DPP6: variants seen among roughly 807,000 people sequenced by gnomAD.
DPP6 encodes the protein dipeptidyl peptidase like 6.
A neutral mutation model predicts 122.6 loss-of-function variants in DPP6; 69 were observed. The ratio of observed to expected loss-of-function variants is 0.56; its 90% CI spans 0.46 to 0.69. The LOEUF (loss-of-function observed/expected upper bound fraction) is 0.69. DPP6 is among the 30% of genes least tolerant of loss of function. The pLI is 0.00. For synonymous variants in DPP6, 418 were observed against 433.1 expected (o/e 0.97, Z 0.43); for missense variants, 928 against 1,116.9 (o/e 0.83, Z 2.41).
At chr7:154,347,056 A>G (rs919292979) in intron 1 of DPP6, among the ~76,000 whole-genome samples, 1 of 152,170 alleles carries the variant, frequency 6.6e-6, no homozygotes, top group African/African-American at 2.4e-5. Context: ...GTACACACAC[A>G]CACGTGCACA....
intron 1 of DPP6, among the ~76,000 whole-genome samples, chr7:153,983,841 C>T (rs899061215): frequency 2.6e-5 from 4 of 151,982 alleles, no homozygotes; most frequent in African/African-American, 9.7e-5. Flanking sequence ...AGGTGATGCC[C>T]CACCCTGCTT....
chr7:153,985,080 C>G (rs561210229), intron 1 of DPP6, among the ~76,000 whole-genome samples: 1 of 152,304 alleles, frequency 6.6e-6, no homozygotes, highest in South Asian at 2.1e-4. Flanking sequence ...CAGGCAGGTC[C>G]CTGCTCGCAG....
rs180820891 is a variant in DPP6 at position 154,233,257 on chromosome 7, G to A, written c.243+180194G>A. Among the ~76,000 whole-genome samples, 52 of 152,286 alleles carry A rather than the reference G, an allele frequency of 3.4e-4. 1 individual carries two copies. The Middle Eastern group carries it at 0.014, about 40-fold the overall frequency. On this transcript the variant is annotated intron_variant, in intron 1 of 25. Transcript: ENST00000377770. Reference sequence around the variant, plus strand: ...TTTATAAATTCGATGTAGCTGTGAGGGAAGGGACTTCTGCAAGCTTTCGTG... The same window carrying A: ...TTTATAAATTCGATGTAGCTGTGAGAGAAGGGACTTCTGCAAGCTTTCGTG...
chr7:154,372,441 C>CTGAA (rs2151122732), intron 1 of DPP6, among the ~76,000 whole-genome samples: 1 of 152,306 alleles, frequency 6.6e-6, no homozygotes, highest in East Asian at 1.9e-4. Flanking sequence ...AGTGCCTGTG[C>CTGAA]TGAACACACT....
At chr7:154,663,658 A>C (rs572485507) in intron 6 of DPP6, among the ~76,000 whole-genome samples, 1 of 42,720 alleles carries the variant, frequency 2.3e-5, no homozygotes, top group African/African-American at 4.5e-5. Flanking sequence ...CATATTGGCC[A>C]TAGCGTTCAT....
intron 1 of DPP6, among the ~76,000 whole-genome samples, chr7:153,922,178 A>G (rs1005290523): frequency 2.0e-5 from 3 of 151,716 alleles, no homozygotes; most frequent in South Asian, 4.1e-4. Context: ...TGTAAACCCA[A>G]GTGGGTGTAC....
rs1489737509 is a variant in DPP6, at chr7:154,486,104, C to T, written c.457+11067C>T. On this transcript the variant is annotated intron_variant, in intron 3 of 25. Transcript: ENST00000377770. This position sits in a 1 kb window ranked among gnomAD's most constrained non-coding sequence, Gnocchi z 4.5. The stretch of plus-strand genomic sequence containing the variant: ...CCTGCCTCAGTGTACCTTGCCTCCC[C>T]GGTCTCCTCACCACCCCTACTCATG... Among the ~76,000 whole-genome samples the T allele has an allele frequency of 4.0e-5, 6 of 151,862 alleles. No homozygotes were observed. The highest frequency in any genetic ancestry group is 1.9e-4 in the East Asian group (1 of 5,176).
At chr7:154,330,581 A>C (rs1005328873) in intron 1 of DPP6, among the ~76,000 whole-genome samples, 8 of 152,238 alleles carry the variant, frequency 5.3e-5, no homozygotes, top group Non-Finnish European at 8.8e-5. Flanking sequence ...AGACCGCTCC[A>C]GACATCTGAG....
chr7:154,093,199 T>C (rs2150553717), intron 1 of DPP6, among the ~76,000 whole-genome samples: 1 of 140,198 alleles, frequency 7.1e-6, no homozygotes, highest in African/African-American at 2.7e-5. Flanking sequence ...GCCACACAAC[T>C]TACATACCAC....
intron 1 of DPP6, among the ~76,000 whole-genome samples, chr7:154,169,755 G>A (rs1797441127): frequency 6.6e-6 from 1 of 152,074 alleles, no homozygotes; most frequent in South Asian, 2.1e-4. Context: ...ATTTGAGATG[G>A]AGTCTCACTC....
chr7:154,000,914 C>G (rs951278794), intron 1 of DPP6, among the ~76,000 whole-genome samples: 1 of 152,120 alleles, frequency 6.6e-6, no homozygotes, highest in Non-Finnish European at 1.5e-5. Context: ...AGGGTATCTG[C>G]CGCCCGGGCC....
chr7:154,784,665 C>G (rs1563207150), intron 10 of DPP6, among the ~76,000 whole-genome samples: 1 of 152,088 alleles, frequency 6.6e-6, no homozygotes, highest in African/African-American at 2.4e-5. Context: ...GGTCAGCCAC[C>G]ACCATGCCCG....
rs893465468 is a variant in DPP6 at position 154,341,116 on chromosome 7, A to T, written c.244-105098A>T. Among the ~76,000 whole-genome samples the T allele has an allele frequency of 3.9e-5, 6 of 152,336 alleles. No individual in the cohort carries two copies. In the East Asian group the frequency reaches 9.6e-4, roughly 24 times the overall value. On this transcript the variant is annotated intron_variant, in intron 1 of 25. Transcript: ENST00000377770. Reference sequence around the variant, plus strand: ...ATCAATCACACTTAAATATCATGCAATCCAAATGCTAACAAAATTACTCTG... The same window carrying T: ...ATCAATCACACTTAAATATCATGCATTCCAAATGCTAACAAAATTACTCTG...
At chr7:154,156,331 G>T (rs1180000309) in intron 1 of DPP6, among the ~76,000 whole-genome samples, 1 of 152,174 alleles carries the variant, frequency 6.6e-6, no homozygotes, top group Non-Finnish European at 1.5e-5. Context: ...TTTTAAACAG[G>T]AGTCCTGAAA....
chr7:153,987,796 G>C (rs1225864698), intron 1 of DPP6, among the ~76,000 whole-genome samples: 1 of 152,134 alleles, frequency 6.6e-6, no homozygotes, highest in Non-Finnish European at 1.5e-5. Flanking sequence ...TCAGTATGCA[G>C]GTGTGTAAGT....
At chr7:154,046,166 C>T (rs572891583) in intron 1 of DPP6, among the ~76,000 whole-genome samples, 3 of 152,172 alleles carry the variant, frequency 2.0e-5, no homozygotes, top group Non-Finnish European at 2.9e-5. Flanking sequence ...GTATTGAGGT[C>T]TTCTCCAAGT....
At chr7:154,364,046 C>G (rs1301302289) in intron 1 of DPP6, among the ~76,000 whole-genome samples, 1 of 152,132 alleles carries the variant, frequency 6.6e-6, no homozygotes, top group East Asian at 1.9e-4. Context: ...CGGGAGTGGT[C>G]TCTTGTGCTT....
rs540554865 is a variant in DPP6 at position 154,641,141 on chromosome 7, G to A, written c.680+3268G>A. Reference sequence around the variant, plus strand: ...CGCTGTTAGCTTCCTTCCTCCGATGGCTGTGACCTCTATAGCTGGGGCCAG... The same window carrying A: ...CGCTGTTAGCTTCCTTCCTCCGATGACTGTGACCTCTATAGCTGGGGCCAG... On this transcript the variant is annotated intron_variant, in intron 6 of 25. Transcript: ENST00000377770. 5.1e-4 allele frequency among the ~76,000 whole-genome samples: 78 copies of A among 152,106 alleles called. 1 individual carries two copies. Among genetic ancestry groups the A allele is most frequent in the Admixed American group, 3.2e-3 (49 of 15,262 alleles).
chr7:154,610,913 T>C (rs976451646), intron 5 of DPP6, among the ~76,000 whole-genome samples: 1 of 152,228 alleles, frequency 6.6e-6, no homozygotes, highest in Non-Finnish European at 1.5e-5. Flanking sequence ...AATTTCCAAC[T>C]TCTAACCTCT....
Sources: gnomAD v4.1 joint callset for allele counts (sites outside exome capture counted in the v4.1 genomes callset) on GRCh38, gnomAD v4.1.1 for gene constraint, Gnocchi (gnomAD v3.1) non-coding constraint, MANE v1.5 for transcripts, NCBI Gene and HGNC (gene_info 2026-07-23, HGNC 2026-07-21) for gene names.